The following NCKAP1 variants were observed in gnomAD, a reference collection of about 807,000 sequenced individuals.
NCKAP1 encodes the protein NCK associated protein 1, also known as nck-associated protein 1.
In NCKAP1, 21 loss-of-function variants were observed where a neutral mutation model predicts 151.2. The ratio of observed to expected loss-of-function variants is 0.14; its 90% confidence interval spans 0.10 to 0.20. The LOEUF (loss-of-function observed/expected upper bound fraction) is 0.20. NCKAP1 is among the 10% of genes least tolerant of loss of function. The pLI, the probability that NCKAP1 is intolerant of heterozygous loss-of-function variation, is 1.00. For missense variants in NCKAP1, 933 were observed against 1,352.1 expected (o/e 0.69, Z 4.86); for synonymous variants, 484 against 451.8 (o/e 1.07, Z -0.90).
Position 182,989,096 on chromosome 2 carries a change from G to C in NCKAP1, c.881C>G (p.Ser294Cys). Reference protein sequence around the residue: ...KLALQSSSCLSLFRDEVFHIH... With the variant: ...KLALQSSSCLCLFRDEVFHIH... ...GTGGAAAACTTCATCCCGAAAGAGA[G>C]AGAGGCAAGAGCTACTTTGAAGAGC... The change falls in exon 9 of 31, where the codon TCT (serine) becomes TGT (cysteine). Residue 294 changes from serine to cysteine, a missense_variant. Ser to Cys is a moderately radical substitution (Grantham distance 112). Around this residue, in one of 2 missense-constraint regions of NCKAP1, gnomAD observed 607 missense variants for 795.0 expected, o/e 0.76. Coordinates refer to ENST00000361354, the MANE Select transcript of NCKAP1 (RefSeq NM_013436.5). The C allele has an allele frequency of 6.2e-7, 1 of 1,613,754 alleles. No homozygotes were observed. The highest frequency in any genetic ancestry group is 8.5e-7 in the Non-Finnish European group (1 of 1,179,692).
At chr2:182,994,598 C>T (rs1402972451) in intron 8 of NCKAP1, among the ~76,000 whole-genome samples, 1 of 151,250 alleles carries the variant, frequency 6.6e-6, no homozygotes, top group Non-Finnish European at 1.5e-5. Context: ...GAGATTGTGC[C>T]ACTGCACTCC....
rs1418645120 is a variant in NCKAP1 at position 182,989,142 on chromosome 2, C to T, written c.835G>A (p.Ala279Thr). Residue 279 changes from alanine to threonine, a missense_variant, in exon 9 of 31, where the codon GCA becomes ACA. Ala to Thr is a moderately conservative substitution (Grantham distance 58). Around this residue, in one of 2 missense-constraint regions of NCKAP1, gnomAD observed 607 missense variants for 795.0 expected, o/e 0.76. Transcript: ENST00000361354. ...AGAGCTAGTTTCCAAAGGTTCAGTGCTGTAGCGTCAGTATTTAGGATCCCA... is the reference window on the plus strand; with the variant it reads ...AGAGCTAGTTTCCAAAGGTTCAGTGTTGTAGCGTCAGTATTTAGGATCCCA... ...CHGILNTDAT[A>T]LNLWKLALQS... is the part of the protein sequence containing the mutation. The T allele has an allele frequency of 6.2e-7, 1 of 1,612,216 alleles. No homozygotes were observed. The highest frequency in any genetic ancestry group is 1.3e-5 in the African/African-American group (1 of 74,860).
intron 24 of NCKAP1, among the ~76,000 whole-genome samples, chr2:182,937,965 C>G (rs566529523): frequency 6.6e-6 from 1 of 152,206 alleles, no homozygotes; most frequent in Non-Finnish European, 1.5e-5. Flanking sequence ...GGTCATATAG[C>G]TGAAAATATT....
At position 182,923,141 on chromosome 2, in the gene NCKAP1, A is replaced by G. The variant is rs1490499841; in HGVS notation, c.*2561T>C. 6.6e-6 allele frequency: 1 copy of G among 152,264 alleles called. No homozygotes were observed. Among genetic ancestry groups the G allele is most frequent in the East Asian group, 1.9e-4 (1 of 5,202 alleles). The allele number at this position is 152,264 out of a possible 1,614,324, so 9.4% of individuals were successfully genotyped here. A position where few individuals can be genotyped will look rare whatever the true frequency, so the allele number is the denominator to read the frequency against. On this transcript the variant is annotated 3_prime_UTR_variant, in exon 31 of 31. Coordinates refer to ENST00000361354, the MANE Select transcript of NCKAP1 (RefSeq NM_013436.5). ...TGCTTAAATAAGTGAATGAAAAAGC[A>G]GCAGAAAGGAAGCAATTTTACTTCT...
chr2:182,934,881 C>T (rs1180521714), intron 25 of NCKAP1, 49 bp from the exon 26 acceptor site: 1 of 867,052 alleles, frequency 1.2e-6, no homozygotes, highest in South Asian at 2.0e-5. Flanking sequence ...AAATGGCAAC[C>T]CCTAAATTTA....
intron 20 of NCKAP1, among the ~76,000 whole-genome samples, chr2:182,954,376 T>C (rs909007836): frequency 6.6e-6 from 1 of 152,222 alleles, no homozygotes; most frequent in Non-Finnish European, 1.5e-5. Flanking sequence ...TTTCACTTTC[T>C]TTAAAACTCC....
At chr2:182,995,003 C>A in intron 7 of NCKAP1, 116 bp from the exon 8 acceptor site, 1 of 769,592 alleles carries the variant, frequency 1.3e-6, no homozygotes, top group Non-Finnish European at 2.1e-6. Context: ...CGCCCAAATA[C>A]TACCACAACA....
chr2:183,025,010 T>C (rs1378764144), intron 1 of NCKAP1: 1 of 1,610,778 alleles, frequency 6.2e-7, no homozygotes, highest in Non-Finnish European at 8.5e-7. Flanking sequence ...GGAAGCATTG[T>C]AATAAAAAGA....
intron 8 of NCKAP1, 130 bp downstream of exon 8, chr2:182,994,709 C>T (rs1698233984): frequency 1.4e-6 from 1 of 703,148 alleles, no homozygotes; most frequent in African/African-American, 1.8e-5. Flanking sequence ...AATATGAGGA[C>T]TGAAAGAGGT....
chr2:183,032,831 G>C (rs983979458), intron 1 of NCKAP1, among the ~76,000 whole-genome samples: 1 of 152,098 alleles, frequency 6.6e-6, no homozygotes, highest in Non-Finnish European at 1.5e-5. Flanking sequence ...TGGATTGCTC[G>C]ACCCCAGGAG....
At chr2:182,996,254 T>C (rs533380305) in intron 6 of NCKAP1, among the ~76,000 whole-genome samples, 3 of 152,374 alleles carry the variant, frequency 2.0e-5, no homozygotes, top group Admixed American at 6.5e-5. Context: ...AAACTCAACA[T>C]GCTTTATATT....
intron 8 of NCKAP1, among the ~76,000 whole-genome samples, chr2:182,992,804 G>T (rs1045476967): frequency 6.6e-6 from 1 of 152,070 alleles, no homozygotes; most frequent in Non-Finnish European, 1.5e-5. Flanking sequence ...TTGGAACAGG[G>T]TATTTAGAAA....
At chr2:182,991,751 T>C (rs889535355) in intron 8 of NCKAP1, among the ~76,000 whole-genome samples, 13 of 150,900 alleles carry the variant, frequency 8.6e-5, no homozygotes, top group Admixed American at 3.3e-4. Flanking sequence ...AGAAAACAGA[T>C]AAAATTGGAC....
intron 2 of NCKAP1, among the ~76,000 whole-genome samples, chr2:183,009,459 GAAGGAAGGAAGGAAGGAAGC>G (rs1437804152): frequency 6.8e-6 from 1 of 147,208 alleles, no homozygotes; most frequent in Non-Finnish European, 1.5e-5. Flanking sequence ...AGGAAGGAAG[GAAGGAAGGAAGGAAGGAAGC>G]AAGCAAGCAA....
At position 183,003,437 on chromosome 2, in the gene NCKAP1, T is replaced by C. The variant is rs569748764; in HGVS notation, c.220-112A>G. On this transcript the variant is annotated intron_variant, in intron 2 of 30. Transcript: ENST00000361354. ...ATGGAAGCACAAGCTTTTAGAATAT[T>C]TCTAGATGATTACGGCTTTTTAAAA... 119 of 679,166 alleles carry C rather than the reference T, an allele frequency of 1.8e-4. No individual in the cohort carries two copies. The Middle Eastern group carries it at 5.6e-3, about 32-fold the overall frequency. The allele number at this position is 679,166 out of a possible 1,614,324, so 42.1% of individuals were successfully genotyped here.
chr2:183,000,523 A>G (rs1328943394), intron 6 of NCKAP1, among the ~76,000 whole-genome samples: 1 of 152,190 alleles, frequency 6.6e-6, no homozygotes, highest in Non-Finnish European at 1.5e-5. Context: ...GGGTGGGGAA[A>G]AACCACTACT....
chr2:182,960,669 T>C (rs1406040313), intron 18 of NCKAP1, among the ~76,000 whole-genome samples: 2 of 152,210 alleles, frequency 1.3e-5, no homozygotes, highest in African/African-American at 2.4e-5. Flanking sequence ...GACATAAGCA[T>C]GGGCAAAGAC....
chr2:182,942,206 T>G, intron 23 of NCKAP1, 43 bp from the exon 24 acceptor site: 1 of 1,437,238 alleles, frequency 7.0e-7, no homozygotes. Flanking sequence ...CAGACCTCTT[T>G]GTGTTAATGA....
At chr2:183,002,832 T>C (rs1698399411) in intron 4 of NCKAP1, 142 bp downstream of exon 4, 1 of 574,676 alleles carries the variant, frequency 1.7e-6, no homozygotes. Context: ...CTTTACTTTT[T>C]AAAAAAGCTA....
Sources: gnomAD v4.1 joint callset for allele counts (sites outside exome capture counted in the v4.1 genomes callset) on GRCh38, gnomAD v4.1.1 for gene constraint, gnomAD v4.1.1 regional missense constraint, MANE v1.5 for transcripts, NCBI Gene and HGNC (gene_info 2026-07-23, HGNC 2026-07-21) for gene names.